Variants in CHTOP observed in about 807,000 individuals in gnomAD.
The protein encoded by CHTOP is chromatin target of PRMT1 protein.
Under a neutral mutation model 33.6 loss-of-function variants are expected in CHTOP, and 18 were observed. That is an observed-to-expected ratio of 0.54 (90% CI 0.37 to 0.80). CHTOP has a LOEUF of 0.80. Among genes scored for constraint, CHTOP ranks in the 30% least tolerant of loss-of-function variants. CHTOP has a pLI of 0.00. For missense variants in CHTOP, 263 were observed against 336.8 expected, an observed-to-expected ratio of 0.78 and a Z score of 1.71; for synonymous variants, 117 against 127.7, an observed-to-expected ratio of 0.92 and a Z score of 0.56.
intron 3 of CHTOP, among the ~76,000 whole-genome samples, chr1:153,641,847 G>A (rs1470064965): frequency 6.6e-6 from 1 of 152,214 alleles, no homozygotes; most frequent in African/African-American, 2.4e-5. Flanking sequence ...GGTAGTCCAT[G>A]GGCAGGTATG....
intron 3 of CHTOP, among the ~76,000 whole-genome samples, chr1:153,640,820 C>CGCTGTGTA (rs1022279623): frequency 6.6e-6 from 1 of 152,158 alleles, no homozygotes; most frequent in Non-Finnish European, 1.5e-5. Flanking sequence ...GGCTGCCTTA[C>CGCTGTGTA]ACAGCACACC....
chr1:153,642,190 A>G lies in CHTOP; in HGVS notation c.220-56A>G, dbSNP rs967804036. 1.1e-5 allele frequency: 17 copies of G among 1,494,244 alleles called. No individual in the cohort carries two copies. In the African/African-American group the frequency reaches 1.8e-4, roughly 16 times the overall value. The allele number at this position is 1,494,244 out of a possible 1,614,324, so 92.6% of individuals were successfully genotyped here. On this transcript the variant is annotated intron_variant, in intron 3 of 5. Transcript: ENST00000368694. ...TTTTTCTCTGCACTTTGAGTTGCCA[A>G]ATCCTGTTGGATTGCTTTTTTGATC...
intron 2 of CHTOP, chr1:153,637,979 A>G: frequency 3.4e-6 from 1 of 292,410 alleles, no homozygotes; most frequent in South Asian, 4.0e-5. Context: ...TGTCTTTGAA[A>G]CTATATCTTC....
chr1:153,638,162 C>T lies in CHTOP; in HGVS notation c.66-133C>T, dbSNP rs964487183. 13 of 830,724 alleles carry T rather than the reference C, an allele frequency of 1.6e-5. No individual in the cohort carries two copies. In the East Asian group the frequency reaches 3.4e-4, roughly 22 times the overall value. The allele number at this position is 830,724 out of a possible 1,614,324, so 51.5% of individuals were successfully genotyped here. A position where few individuals can be genotyped will look rare whatever the true frequency, so the allele number is the denominator to read the frequency against. ...CAGAGGAGTCTTTAACCCACATCAG[C>T]CTTGATCTAAGTGTACCACTTTACT... is the stretch of plus-strand genomic sequence containing the variant. On this transcript the variant is annotated intron_variant, in intron 2 of 5. Transcript: ENST00000368694.
intron 1 of CHTOP, among the ~76,000 whole-genome samples, chr1:153,634,824 A>G (rs893785486): frequency 6.7e-6 from 1 of 149,574 alleles, no homozygotes; most frequent in Non-Finnish European, 1.5e-5. Context: ...ATGCATATAT[A>G]TATGTATATA....
intron 2 of CHTOP, 86 bp from the exon 3 acceptor site, chr1:153,638,209 G>A (rs1356076908): frequency 6.9e-6 from 10 of 1,452,704 alleles, no homozygotes; most frequent in East Asian, 2.3e-5. Flanking sequence ...GGGATCTGGA[G>A]CTCCTGGTCT....
At chr1:153,636,446 G>T in intron 1 of CHTOP, 126 bp from the exon 2 acceptor site, 23 of 516,796 alleles carry the variant, frequency 4.5e-5, no homozygotes, top group East Asian at 6.8e-5. Flanking sequence ...CACTTGAAAT[G>T]TGCCCTCGTG....
At chr1:153,636,973 A>G (rs933351759) in intron 2 of CHTOP, 3 of 241,604 alleles carry the variant, frequency 1.2e-5, no homozygotes, top group East Asian at 8.6e-5. Flanking sequence ...TACCCTGGCT[A>G]CAGTAGGCTT....
intron 2 of CHTOP, 106 bp downstream of exon 2, chr1:153,636,759 G>C: frequency 1.1e-6 from 1 of 926,612 alleles, no homozygotes; most frequent in Non-Finnish European, 1.7e-6. Context: ...ACCAACAGAA[G>C]GCTACAGACC....
chr1:153,640,105 A>G (rs1049266083), intron 3 of CHTOP, among the ~76,000 whole-genome samples: 16 of 152,262 alleles, frequency 1.1e-4, no homozygotes, highest in Middle Eastern at 3.4e-3. Context: ...AATGTTCTGT[A>G]TTTGCTCTCC....
intron 3 of CHTOP, 125 bp downstream of exon 3, chr1:153,638,573 G>C: frequency 9.3e-7 from 1 of 1,071,732 alleles, no homozygotes; most frequent in South Asian, 1.4e-5. Context: ...AACTTCTCTG[G>C]AAGAAAGAGA....
chr1:153,636,180 T>C (rs1161852415), intron 1 of CHTOP, among the ~76,000 whole-genome samples: 1 of 151,778 alleles, frequency 6.6e-6, no homozygotes, highest in Admixed American at 6.6e-5. Context: ...CCTGTGCCCT[T>C]GCCCTCCCAA....
chr1:153,635,636 C>T (rs1463768421), intron 1 of CHTOP, among the ~76,000 whole-genome samples: 3 of 151,748 alleles, frequency 2.0e-5, no homozygotes, highest in African/African-American at 7.3e-5. Flanking sequence ...CCCTGGCCAA[C>T]GTGGAGAAAC....
chr1:153,638,592 G>A, intron 3 of CHTOP, 144 bp downstream of exon 3: 1 of 951,728 alleles, frequency 1.1e-6, no homozygotes, highest in Non-Finnish European at 1.6e-6. Context: ...GAAGTTCAGA[G>A]AATTCCAATT....
chr1:153,636,903 C>T lies in CHTOP; in HGVS notation c.65+250C>T. ...GGGATGTATTTTAAAAGACTCCTAACACTCTTCCTTTTCACATTTTTTTAC... is the reference window on the plus strand; with the variant it reads ...GGGATGTATTTTAAAAGACTCCTAATACTCTTCCTTTTCACATTTTTTTAC... On this transcript the variant is annotated intron_variant, in intron 2 of 5. Transcript: ENST00000368694. 3 of 446,502 alleles carry T rather than the reference C, an allele frequency of 6.7e-6. No individual in the cohort carries two copies. In the South Asian group the frequency reaches 9.9e-5, roughly 15 times the overall value. 27.7% of individuals were successfully genotyped at this position (446,502 alleles called of 1,614,324 possible).
intron 4 of CHTOP, 53 bp downstream of exon 4, chr1:153,642,482 C>T: frequency 6.9e-7 from 1 of 1,447,062 alleles, no homozygotes; most frequent in Non-Finnish European, 9.4e-7. Context: ...TCCCTTTTCT[C>T]TTGGGCTGCT....
intron 5 of CHTOP, chr1:153,643,814 A>G (rs1427862073): frequency 6.5e-6 from 1 of 152,734 alleles, no homozygotes; most frequent in Non-Finnish European, 1.5e-5. Context: ...GGAGCTGGGC[A>G]TTGGCTCTGA....
At chr1:153,642,093 G>C in intron 3 of CHTOP, 153 bp from the exon 4 acceptor site, 2 of 565,922 alleles carry the variant, frequency 3.5e-6, no homozygotes. Flanking sequence ...GCAAAGGCTT[G>C]CTTCTGGTTT....
intron 1 of CHTOP, among the ~76,000 whole-genome samples, chr1:153,634,713 C>T (rs1355972503): frequency 7.8e-6 from 1 of 128,224 alleles, no homozygotes; most frequent in East Asian, 2.4e-4. Flanking sequence ...GAGCTAATTC[C>T]CAGGTGAATT....
Sources: gnomAD v4.1 joint callset for allele counts (sites outside exome capture counted in the v4.1 genomes callset) on GRCh38, gnomAD v4.1.1 for gene constraint, MANE v1.5 for transcripts, NCBI Gene and HGNC (gene_info 2026-07-23, HGNC 2026-07-21) for gene names.